The following TRAPPC9 variants were observed in gnomAD, a reference collection of about 807,000 sequenced individuals.
The protein encoded by TRAPPC9 is IKK2 binding protein.
In TRAPPC9, 83 loss-of-function variants were observed where a neutral mutation model predicts 124.0. The observed-to-expected ratio is 0.67, with a 90% CI of 0.56 to 0.80. TRAPPC9 has a LOEUF of 0.80. Ranked by LOEUF, TRAPPC9 falls within the 30% of genes least tolerant of loss-of-function variation. The pLI, the probability that TRAPPC9 is intolerant of heterozygous loss-of-function variation, is 0.00. For synonymous variants in TRAPPC9, 638 were observed against 617.5 expected (o/e 1.03, Z -0.49); for missense variants, 1,302 against 1,508.3 (o/e 0.86, Z 2.27).
chr8:140,456,942 G>T, intron 1 of TRAPPC9: 1 of 502,128 alleles, frequency 2.0e-6, no homozygotes, highest in Non-Finnish European at 2.6e-6. Context: ...GGGGATTGGG[G>T]TGGGCTGACA....
intron 17 of TRAPPC9, among the ~76,000 whole-genome samples, chr8:140,170,098 T>C (rs889143829): frequency 2.0e-5 from 3 of 152,216 alleles, no homozygotes; most frequent in Non-Finnish European, 4.4e-5. Flanking sequence ...AAAATTATTA[T>C]ATAAATGTTC....
intron 9 of TRAPPC9, among the ~76,000 whole-genome samples, chr8:140,319,015 T>C (rs752980473): frequency 4.1e-4 from 62 of 152,300 alleles, no homozygotes; most frequent in Non-Finnish European, 8.1e-4. Context: ...GTGAAAAATT[T>C]GACATGTTCA....
At chr8:140,249,941 T>C (rs1484267247) in intron 16 of TRAPPC9, among the ~76,000 whole-genome samples, 1 of 152,176 alleles carries the variant, frequency 6.6e-6, no homozygotes, top group African/African-American at 2.4e-5. Context: ...CTGCATTTAT[T>C]TCCTAAGAAC....
At chr8:140,298,776 GGAC>G (rs2065883944) in intron 11 of TRAPPC9, among the ~76,000 whole-genome samples, 1 of 152,166 alleles carries the variant, frequency 6.6e-6, no homozygotes, top group Admixed American at 6.5e-5. Context: ...GTGAGTTCTT[GGAC>G]ATGACACTTA....
intron 14 of TRAPPC9, among the ~76,000 whole-genome samples, 194 bp downstream of exon 14, chr8:140,283,695 G>C (rs953831529): frequency 6.6e-6 from 1 of 151,850 alleles, no homozygotes; most frequent in African/African-American, 2.4e-5. Flanking sequence ...TTCTGATCAT[G>C]GTAAGAAAGA....
At chr8:139,973,446 A>G (rs1038539402) in intron 19 of TRAPPC9, among the ~76,000 whole-genome samples, 9 of 113,904 alleles carry the variant, frequency 7.9e-5, no homozygotes, top group African/African-American at 3.6e-4. Context: ...GCCTGCTCTC[A>G]CACTGACCGT....
At chr8:139,835,522 C>T (rs1309440006) in intron 21 of TRAPPC9, among the ~76,000 whole-genome samples, 2 of 152,200 alleles carry the variant, frequency 1.3e-5, no homozygotes, top group Non-Finnish European at 2.9e-5. Flanking sequence ...ATCTAGGTAT[C>T]TATTTTTGTA....
chr8:140,264,219 T>C (rs998266063), intron 15 of TRAPPC9, among the ~76,000 whole-genome samples: 3 of 152,308 alleles, frequency 2.0e-5, no homozygotes, highest in South Asian at 4.1e-4. Context: ...CCTCGGGTCC[T>C]GAGAATTGCA....
intron 17 of TRAPPC9, among the ~76,000 whole-genome samples, chr8:140,149,480 T>G (rs1472861253): frequency 6.6e-6 from 1 of 151,854 alleles, no homozygotes; most frequent in East Asian, 1.9e-4. Context: ...ATTAGCCGGG[T>G]GTGGTGGCAC....
At chr8:140,260,333 G>A (rs530112799) in intron 15 of TRAPPC9, among the ~76,000 whole-genome samples, 2 of 152,180 alleles carry the variant, frequency 1.3e-5, no homozygotes, top group Non-Finnish European at 2.9e-5. Flanking sequence ...TGCTTTCTAT[G>A]GTGTCCTACA....
rs140108251 is a variant in TRAPPC9, at chr8:140,073,167, T to C, written c.2557-49088A>G. ...CTTATAGTTAAACCCACGCTTAGTA[T>C]ATGACCTAACAATTCTACCCCTTAA... On this transcript the variant is annotated intron_variant, in intron 17 of 22. Coordinates refer to ENST00000438773, the MANE Select transcript of TRAPPC9 (RefSeq NM_001160372.4). Among the ~76,000 whole-genome samples the C allele has an allele frequency of 1.2e-3, 183 of 152,362 alleles. 1 individual carries two copies. Among genetic ancestry groups the C allele is most frequent in the Non-Finnish European group, 7.5e-4 (51 of 68,036 alleles).
Position 139,729,713 on chromosome 8 carries a change from C to T in TRAPPC9, c.*1348G>A, listed in dbSNP as rs931612499. Among the ~76,000 whole-genome samples, 2 of 151,206 alleles carry T rather than the reference C, an allele frequency of 1.3e-5. No homozygotes were observed. The highest frequency in any genetic ancestry group is 4.9e-5 in the African/African-American group (2 of 41,028). ...GTTTGGGCCTGGGACTTCAGGTCCT[C>T]AGGAAGTTCCCTCAGCCCCGCAGGC... On this transcript the variant is annotated 3_prime_UTR_variant, in exon 23 of 23. Coordinates refer to ENST00000438773, the MANE Select transcript of TRAPPC9 (RefSeq NM_001160372.4).
chr8:139,860,596 GAAGCCC>G (rs35763297), intron 21 of TRAPPC9, among the ~76,000 whole-genome samples: 3,000 of 152,282 alleles, frequency 0.02, 92 homozygotes, highest in African/African-American at 0.068. Context: ...AAGGCTGTCT[GAAGCCC>G]AAACCTGGCT....
chr8:140,457,797 C>T (rs547374882), upstream of TRAPPC9: 2 of 1,027,738 alleles, frequency 1.9e-6, no homozygotes, highest in African/African-American at 1.7e-5. Context: ...GGCCTGGGCC[C>T]CCGATCCGTC....
chr8:140,033,673 T>TTTTTTTTTG (rs1840672239), intron 17 of TRAPPC9, among the ~76,000 whole-genome samples: 1 of 76,730 alleles, frequency 1.3e-5, no homozygotes, highest in Non-Finnish European at 2.6e-5. Context: ...TTTTTTTTTT[T>TTTTTTTTTG]TTTTTTTTTT....
At chr8:139,859,770 G>A (rs561057754) in intron 21 of TRAPPC9, among the ~76,000 whole-genome samples, 15 of 152,346 alleles carry the variant, frequency 9.8e-5, no homozygotes, top group African/African-American at 2.9e-4. Context: ...TCTGGCCATC[G>A]TCAAGGGAGC....
chr8:140,183,846 C>A (rs2062263924), intron 17 of TRAPPC9, among the ~76,000 whole-genome samples: 1 of 100,032 alleles, frequency 1.0e-5, no homozygotes, highest in Non-Finnish European at 2.0e-5. Flanking sequence ...CAGAATGAGA[C>A]TTTGTCAAAA....
At chr8:139,980,213 C>G (rs890270614) in intron 19 of TRAPPC9, among the ~76,000 whole-genome samples, 4 of 152,294 alleles carry the variant, frequency 2.6e-5, no homozygotes, top group Admixed American at 6.5e-5. Flanking sequence ...CAGTGTTGTC[C>G]TCTGCCTAAA....
chr8:140,341,098 G>A (rs1459265771), intron 9 of TRAPPC9, among the ~76,000 whole-genome samples: 1 of 152,178 alleles, frequency 6.6e-6, no homozygotes, highest in Non-Finnish European at 1.5e-5. Context: ...AGCATTTATT[G>A]AGCCTCTATG....
Sources: gnomAD v4.1 joint callset for allele counts (sites outside exome capture counted in the v4.1 genomes callset) on GRCh38, gnomAD v4.1.1 for gene constraint, MANE v1.5 for transcripts, NCBI Gene and HGNC (gene_info 2026-07-23, HGNC 2026-07-21) for gene names.